Variants in TANC2 observed in about 807,000 individuals in gnomAD.
TANC2 encodes protein TANC2.
In TANC2, 26 loss-of-function variants were observed where a neutral mutation model predicts 210.5. The observed-to-expected ratio is 0.12, with a 90% CI of 0.09 to 0.17. TANC2 has a LOEUF of 0.17. Ranked by LOEUF, TANC2 falls within the 10% of genes least tolerant of loss-of-function variation. TANC2 has a pLI of 1.00. For synonymous variants in TANC2, 931 were observed against 967.1 expected (o/e 0.96, Z 0.69); for missense variants, 2,129 against 2,608.9 (o/e 0.82, Z 4.01).
rs2049020508 is a variant in TANC2 at position 63,421,399 on chromosome 17, A to G, written c.5669A>G (p.Gln1890Arg). ...ACCTTCCGGCCATCTTCTTCCATCC[A>G]GCAAATGGAGATCCCACTGAAACCT... Residue 1890 changes from glutamine to arginine, a missense_variant, in exon 28 of 28, where the codon CAG (glutamine) becomes CGG (arginine). Physicochemically the swap from Gln to Arg is conservative, Grantham distance 43 (BLOSUM62 1). Coordinates refer to ENST00000689528, the Ensembl canonical transcript of TANC2. The surrounding 1 kb of genome is among the most constrained non-coding windows in gnomAD (Gnocchi z 6.9). The G allele has an allele frequency of 1.9e-6, 3 of 1,613,930 alleles. No homozygotes were observed. The highest frequency in any genetic ancestry group is 2.5e-6 in the Non-Finnish European group (3 of 1,179,872).
chr17:63,421,498 G>A lies in TANC2; in HGVS notation c.5768G>A (p.Arg1923Gln), dbSNP rs774755385. Residue 1923 changes from arginine (R) to glutamine (Q), a missense_variant, in exon 28 of 28, where the codon CGA (arginine) becomes CAA (glutamine). By Grantham distance (43) the Arg-to-Gln change is conservative. This residue lies in a region of TANC2 where 584 missense variants were observed against 627.3 expected (regional missense o/e 0.93). Coordinates refer to ENST00000689528, the Ensembl canonical transcript of TANC2. This position sits in a 1 kb window ranked among gnomAD's most constrained non-coding sequence, Gnocchi z 6.9. ...GGAGGTTACCCCAGTGAGCCCACCC[G>A]ATCCAGGACCACACCATTCATGGGG... is the stretch of plus-strand genomic sequence containing the variant. 2 of 1,613,796 alleles carry A rather than the reference G, an allele frequency of 1.2e-6. No homozygotes were observed. Among genetic ancestry groups the A allele is most frequent in the Non-Finnish European group, 1.7e-6 (2 of 1,179,900 alleles).
At chr17:63,161,504 A>G (rs1312604452) in intron 5 of TANC2, among the ~76,000 whole-genome samples, 2 of 152,110 alleles carry the variant, frequency 1.3e-5, no homozygotes, top group African/African-American at 4.8e-5. Context: ...TGCAACACTT[A>G]ACACAGTTAC....
intron 1 of TANC2, among the ~76,000 whole-genome samples, chr17:62,988,912 G>C (rs1327197937): frequency 6.6e-6 from 1 of 152,178 alleles, no homozygotes; most frequent in Non-Finnish European, 1.5e-5. Flanking sequence ...ATTCAGGTTG[G>C]AGAAAAGGAG....
At chr17:62,986,040 G>A (rs558009745) in intron 1 of TANC2, among the ~76,000 whole-genome samples, 12 of 152,288 alleles carry the variant, frequency 7.9e-5, no homozygotes, top group African/African-American at 2.9e-4. Context: ...AATGGGTCTT[G>A]GCATGACGGT....
At chr17:63,326,598 C>T (rs142748732) in intron 11 of TANC2, among the ~76,000 whole-genome samples, 1 of 152,022 alleles carries the variant, frequency 6.6e-6, no homozygotes, top group African/African-American at 2.4e-5. Context: ...AGCGTAATGA[C>T]AAGTGCTTAT....
intron 3 of TANC2, among the ~76,000 whole-genome samples, chr17:63,086,458 G>A (rs1183996853): frequency 2.0e-5 from 3 of 152,056 alleles, no homozygotes; most frequent in Non-Finnish European, 4.4e-5. Flanking sequence ...TCTTTCCTCA[G>A]CCACGTCCAG....
intron 1 of TANC2, chr17:63,004,589 C>G (rs2033529608): frequency 1.6e-5 from 2 of 127,022 alleles, no homozygotes; most frequent in Non-Finnish European, 1.4e-5. Flanking sequence ...AACAGCATAG[C>G]TTTAAAAAAA....
intron 9 of TANC2, among the ~76,000 whole-genome samples, chr17:63,281,743 C>T (rs1029982414): frequency 9.2e-5 from 14 of 151,898 alleles, no homozygotes; most frequent in African/African-American, 2.2e-4. Flanking sequence ...AATGAGATCA[C>T]GCTAAATTAG....
intron 4 of TANC2, among the ~76,000 whole-genome samples, chr17:63,119,604 A>C (rs1464323817): frequency 6.6e-6 from 1 of 152,238 alleles, no homozygotes; most frequent in Non-Finnish European, 1.5e-5. Flanking sequence ...TTTTATGTAT[A>C]TTTAATAATT....
intron 5 of TANC2, among the ~76,000 whole-genome samples, chr17:63,188,650 CCA>C (rs1185372874): frequency 2.6e-5 from 4 of 151,826 alleles, no homozygotes. Flanking sequence ...TTGTATTCTC[CCA>C]GTGTCATTTT....
At chr17:63,289,782 T>TA (rs1163980936) in intron 9 of TANC2, among the ~76,000 whole-genome samples, 1 of 152,214 alleles carries the variant, frequency 6.6e-6, no homozygotes. Context: ...TCTACTGTTT[T>TA]AAAGGAACTG....
At chr17:63,136,972 G>A (rs2039111563) in intron 4 of TANC2, among the ~76,000 whole-genome samples, 1 of 152,124 alleles carries the variant, frequency 6.6e-6, no homozygotes, top group South Asian at 2.1e-4. Flanking sequence ...CTGCAGAGGG[G>A]TTCTTTTGCA....
chr17:63,191,884 C>T (rs2041198203), intron 5 of TANC2, among the ~76,000 whole-genome samples: 1 of 152,090 alleles, frequency 6.6e-6, no homozygotes, highest in South Asian at 2.1e-4. Context: ...AAAGGAAGTG[C>T]CTCTACTGTT....
At chr17:63,032,434 A>C (rs779708176) in intron 2 of TANC2, among the ~76,000 whole-genome samples, 111 of 152,010 alleles carry the variant, frequency 7.3e-4, no homozygotes, top group Non-Finnish European at 1.4e-3. Context: ...TTTAAAGGGC[A>C]CTTCCCAGAA....
At chr17:63,165,255 T>C (rs749159352) in intron 5 of TANC2, among the ~76,000 whole-genome samples, 6 of 150,488 alleles carry the variant, frequency 4.0e-5, no homozygotes, top group Non-Finnish European at 8.9e-5. Flanking sequence ...GCCTGGGCTG[T>C]AACAGAGTGA....
intron 1 of TANC2, chr17:63,004,779 T>C: frequency 2.9e-6 from 1 of 346,848 alleles, no homozygotes; most frequent in Non-Finnish European, 5.6e-6. Flanking sequence ...TTCTGCAGGG[T>C]TATTCCCCTT....
Position 63,198,982 on chromosome 17 carries a change from G to T in TANC2, c.583-1789G>T, listed in dbSNP as rs546455658. On this transcript the variant is annotated intron_variant, in intron 6 of 27. Coordinates refer to ENST00000689528, the Ensembl canonical transcript of TANC2. ...TATGATTGAAAAGATTTACTTGGTTGGAGGGTAATGAGAATGTCACTTGTT... is the reference window on the plus strand; with the variant it reads ...TATGATTGAAAAGATTTACTTGGTTTGAGGGTAATGAGAATGTCACTTGTT... Among the ~76,000 whole-genome samples the T allele has an allele frequency of 3.3e-5, 5 of 152,238 alleles. No individual in the cohort carries two copies. In the South Asian group the frequency reaches 1.0e-3, roughly 32 times the overall value.
chr17:62,989,505 G>A (rs1440408552), intron 1 of TANC2, among the ~76,000 whole-genome samples: 1 of 152,134 alleles, frequency 6.6e-6, no homozygotes, highest in East Asian at 1.9e-4. Flanking sequence ...TAAAATAACA[G>A]TTTAATTTTA....
rs376218712 is a variant in TANC2 at position 63,405,071 on chromosome 17, G to A, written c.3332-51G>A. 4.3e-5 allele frequency: 66 copies of A among 1,522,860 alleles called. No homozygotes were observed. In the Middle Eastern group the frequency reaches 5.2e-4, roughly 12 times the overall value. 94.3% of individuals were successfully genotyped at this position (1,522,860 alleles called of 1,614,324 possible). A position where few individuals can be genotyped will look rare whatever the true frequency, so the allele number is the denominator to read the frequency against. ...GGATATGTCACGTTTAACATGGAGCGCTGGAGAGGACCAGAACCACCTATC... is the reference window on the plus strand; with the variant it reads ...GGATATGTCACGTTTAACATGGAGCACTGGAGAGGACCAGAACCACCTATC... On this transcript the variant is annotated intron_variant, in intron 19 of 27. Transcript: ENST00000689528.
Sources: gnomAD v4.1 joint callset for allele counts (sites outside exome capture counted in the v4.1 genomes callset) on GRCh38, gnomAD v4.1.1 for gene constraint, gnomAD v4.1.1 regional missense constraint, Gnocchi (gnomAD v3.1) non-coding constraint, MANE v1.5 for transcripts, NCBI Gene and HGNC (gene_info 2026-07-23, HGNC 2026-07-21) for gene names.